NISCH: variants seen among roughly 807,000 people sequenced by gnomAD.
The protein encoded by NISCH is nischarin.
In NISCH, 55 loss-of-function variants were observed where a neutral mutation model predicts 138.4. The ratio of observed to expected loss-of-function variants is 0.40; its 90% confidence interval spans 0.32 to 0.50. The LOEUF (loss-of-function observed/expected upper bound fraction) is 0.50. NISCH is among the 20% of genes least tolerant of loss of function. NISCH has a pLI of 0.71. For synonymous variants in NISCH, 860 were observed against 861.5 expected (o/e 1.00, Z 0.03); for missense variants, 1,643 against 2,005.5 (o/e 0.82, Z 3.45).
Position 52,477,559 on chromosome 3 carries a change from C to A in NISCH, c.919-15C>A. ...GCCCCCTACAGTAACATCGGGTGTTCTTTTCTTTCACAAGAAACTGATCCC... is the reference window on the plus strand; with the variant it reads ...GCCCCCTACAGTAACATCGGGTGTTATTTTCTTTCACAAGAAACTGATCCC... On this transcript the variant is annotated splice_polypyrimidine_tract_variant and intron_variant, in intron 8 of 20. Coordinates refer to ENST00000345716, the MANE Select transcript of NISCH (RefSeq NM_007184.4). The A allele has an allele frequency of 6.2e-7, 1 of 1,611,638 alleles. No individual in the cohort carries two copies. The highest frequency in any genetic ancestry group is 8.5e-7 in the Non-Finnish European group (1 of 1,177,692).
rs761715632 is a variant in NISCH at position 52,491,389 on chromosome 3, G to T, written c.3780G>T (p.Arg1260=). ...TPMQVVTCLT[R]DSYLTHCFLQ... ...TGCAGGTGGTCACGTGCTTGACGCG[G>T]GACAGCTACCTGACGCACTGCTTCC... The change falls in exon 20 of 21, where the codon CGG becomes CGT. Residue 1260 remains arginine (R), a synonymous_variant. Transcript: ENST00000345716. The T allele has an allele frequency of 6.2e-7, 1 of 1,613,020 alleles. No individual in the cohort carries two copies. The highest frequency in any genetic ancestry group is 1.3e-5 in the African/African-American group (1 of 74,940).
In NISCH at chr3:52,484,540, T is replaced by G; in HGVS notation, c.1556T>G (p.Leu519Arg). The change falls in exon 14 of 21, where the codon CTG becomes CGG. Residue 519 changes from leucine (L) to arginine (R), a missense_variant. Physicochemically the swap from Leu to Arg is moderately radical, Grantham distance 102 (BLOSUM62 -2). Transcript: ENST00000345716. ...QGIMFVQEEA[L>R]ASSLSSTDSL... Reference sequence around the variant, plus strand: ...ATCATGTTCGTTCAGGAGGAGGCCCTGGCCAGCAGCCTCTCGTCCACTGAC... The same window carrying G: ...ATCATGTTCGTTCAGGAGGAGGCCCGGGCCAGCAGCCTCTCGTCCACTGAC... The G allele has an allele frequency of 2.0e-6, 3 of 1,503,546 alleles. No homozygotes were observed. The highest frequency in any genetic ancestry group is 2.7e-6 in the Non-Finnish European group (3 of 1,114,664). The allele number at this position is 1,503,546 out of a possible 1,614,324, so 93.1% of individuals were successfully genotyped here.
intron 3 of NISCH, among the ~76,000 whole-genome samples, chr3:52,462,845 T>C (rs1021692984): frequency 2.0e-5 from 3 of 152,050 alleles, no homozygotes; most frequent in Non-Finnish European, 4.4e-5. Context: ...ACTATGTTGG[T>C]GAGGCTGGTC....
chr3:52,479,911 A>G (rs1707218665), intron 12 of NISCH, 49 bp downstream of exon 12: 1 of 1,469,858 alleles, frequency 6.8e-7, no homozygotes, highest in African/African-American at 1.4e-5. Flanking sequence ...GCCAGCCGGG[A>G]TAGGAGCCAG....
Position 52,492,831 on chromosome 3 carries a change from GC to G in NISCH, c.*350del. 1.2e-3 allele frequency: 1 copy of G among 868 alleles called. No homozygotes were observed. The highest frequency in any genetic ancestry group is 0.02 in the South Asian group (1 of 50). The allele number at this position is 868 out of a possible 1,614,324, so 0.1% of individuals were successfully genotyped here. A position where few individuals can be genotyped will look rare whatever the true frequency, so the allele number is the denominator to read the frequency against. On this transcript the variant is annotated 3_prime_UTR_variant, in exon 21 of 21. Transcript: ENST00000345716. ...GAAGTGTCGAGTCCAGTCCTTTGTTGCTGTTGCTGTTGCTGTTGCTGTTGCT... is the reference window on the plus strand; with the variant it reads ...GAAGTGTCGAGTCCAGTCCTTTGTTGTGTTGCTGTTGCTGTTGCTGTTGCT...
rs752668186 is a variant in NISCH at position 52,492,385 on chromosome 3, T to C, written c.4418T>C (p.Val1473Ala). Residue 1473 changes from valine (V) to alanine (A), a missense_variant, in exon 21 of 21, where the codon GTC (valine) becomes GCC (alanine). Transcript: ENST00000345716. Reference sequence around the variant, plus strand: ...CGTGAAGTCCAGTGGCAGGTGTTTGTCCCCAGTGCTGAGAGCAGAGAGAAG... The same window carrying C: ...CGTGAAGTCCAGTGGCAGGTGTTTGCCCCCAGTGCTGAGAGCAGAGAGAAG... ...QGREVQWQVF[V>A]PSAESREKLI... 6.2e-7 allele frequency: 1 copy of C among 1,613,040 alleles called. No individual in the cohort carries two copies. Among genetic ancestry groups the C allele is most frequent in the Non-Finnish European group, 8.5e-7 (1 of 1,180,008 alleles).
intron 13 of NISCH, 171 bp downstream of exon 13, chr3:52,480,466 G>T: frequency 6.5e-7 from 1 of 1,533,712 alleles, no homozygotes. Context: ...TGGCAGGGGT[G>T]CCTGGCCTGA....
At chr3:52,484,101 C>G (rs571888670) in intron 13 of NISCH, 1 of 170,020 alleles carries the variant, frequency 5.9e-6, no homozygotes, top group African/African-American at 2.4e-5. Flanking sequence ...TTCCAACCTT[C>G]CCTCATTTTT....
intron 7 of NISCH, 93 bp downstream of exon 7, chr3:52,473,922 T>C (rs780269777): frequency 4.7e-5 from 36 of 770,772 alleles, no homozygotes; most frequent in Non-Finnish European, 7.2e-5. Flanking sequence ...AGGACACTGC[T>C]ATGTCTATCA....
intron 8 of NISCH, 126 bp downstream of exon 8, chr3:52,476,725 G>A: frequency 3.2e-6 from 3 of 932,576 alleles, no homozygotes; most frequent in Non-Finnish European, 4.8e-6. Context: ...TGCATTGCCT[G>A]CCATTTTAAG....
chr3:52,478,906 C>G (rs1388834578), intron 11 of NISCH, among the ~76,000 whole-genome samples: 3 of 152,154 alleles, frequency 2.0e-5, no homozygotes, highest in African/African-American at 2.4e-5. Flanking sequence ...CCAGTGTAGC[C>G]CAGCCTGGTG....
chr3:52,477,098 CAT>C (rs770857403), intron 8 of NISCH, among the ~76,000 whole-genome samples: 2 of 152,116 alleles, frequency 1.3e-5, no homozygotes, highest in Non-Finnish European at 2.9e-5. Context: ...CCAAATAAAA[CAT>C]AATAATTTCA....
intron 7 of NISCH, among the ~76,000 whole-genome samples, chr3:52,474,576 G>A (rs1216047802): frequency 2.0e-5 from 3 of 152,066 alleles, no homozygotes; most frequent in Admixed American, 6.5e-5. Flanking sequence ...GATTACAGGC[G>A]TGAGCCACCG....
In NISCH at chr3:52,488,117, C is replaced by T. The variant is rs1578311521; in HGVS notation, c.2625C>T (p.Tyr875=). Residue 875 remains tyrosine (Y), a synonymous_variant, in exon 16 of 21, where the codon TAC becomes TAT. Coordinates refer to ENST00000345716, the MANE Select transcript of NISCH (RefSeq NM_007184.4). ...TGGTGCAGACGGCCGCCGGGGACTA[C>T]TCAGGCAACATCGAGTGGGCCAGCT... ...KRMVQTAAGD[Y]SGNIEWASCT... is the part of the protein sequence containing the mutation. 12 of 1,613,136 alleles carry T rather than the reference C, an allele frequency of 7.4e-6. No individual in the cohort carries two copies. Among genetic ancestry groups the T allele is most frequent in the Non-Finnish European group, 1.0e-5 (12 of 1,179,992 alleles).
chr3:52,490,116 G>A lies in NISCH; in HGVS notation c.3498G>A (p.Val1166=). 1 of 1,613,666 alleles carries A rather than the reference G, an allele frequency of 6.2e-7. No homozygotes were observed. The highest frequency in any genetic ancestry group is 8.5e-7 in the Non-Finnish European group (1 of 1,180,022). The part of the protein sequence containing the change: ...EELRHLMWSS[V]VFYQTPGLEV... ...TGAGGCACCTCATGTGGTCCTCGGTGGTGTTCTACCAGACCCCAGGGCTGG... is the reference window on the plus strand; with the variant it reads ...TGAGGCACCTCATGTGGTCCTCGGTAGTGTTCTACCAGACCCCAGGGCTGG... Residue 1166 remains valine (V), a synonymous_variant, in exon 18 of 21, where the codon GTG becomes GTA. Transcript: ENST00000345716.
rs921292315 is a variant in NISCH, at chr3:52,472,267, C to T, written c.574-36C>T. On this transcript the variant is annotated intron_variant, in intron 5 of 20. Coordinates refer to ENST00000345716, the MANE Select transcript of NISCH (RefSeq NM_007184.4). The stretch of plus-strand genomic sequence containing the variant: ...GCAGCACTCCCCGATGGGCATGCGA[C>T]ACTGTTCCCAATTTAAGCCTTATCT... The T allele has an allele frequency of 3.8e-6, 6 of 1,585,248 alleles. No homozygotes were observed. In the African/African-American group the frequency reaches 6.7e-5, roughly 18 times the overall value.
At position 52,487,208 on chromosome 3, in the gene NISCH, C is replaced by T. The variant is rs139766391; in HGVS notation, c.1716C>T (p.Ala572=). ...TCTCCCTGCACAGCCCAGAACATGC[C>T]GAGCCGGAGGTCCAGGTGGTGCCGG... is the stretch of plus-strand genomic sequence containing the variant. ...GAVGGASPEH[A]EPEVQVVPGS... The change falls in exon 16 of 21, where the codon GCC becomes GCT. Residue 572 remains alanine, a synonymous_variant. Coordinates refer to ENST00000345716, the MANE Select transcript of NISCH (RefSeq NM_007184.4). The surrounding 1 kb of genome is among the most constrained non-coding windows in gnomAD (Gnocchi z 9.1). 83 of 1,613,540 alleles carry T rather than the reference C, an allele frequency of 5.1e-5. 1 individual carries two copies. Among genetic ancestry groups the T allele is most frequent in the South Asian group, 4.4e-4 (40 of 91,016 alleles).
intron 2 of NISCH, 77 bp downstream of exon 2, chr3:52,458,003 A>G: frequency 1.8e-6 from 2 of 1,102,642 alleles, no homozygotes; most frequent in East Asian, 4.8e-5. Context: ...GCCACATATT[A>G]GTTTTAGGGC....
chr3:52,491,248 G>A lies in NISCH; in HGVS notation c.3743-104G>A, dbSNP rs1467072582. On this transcript the variant is annotated intron_variant, in intron 19 of 20. Transcript: ENST00000345716. ...TTCCTGTGTGGGCCCTCCTGGCCCTGGCCTCTGGGCTGAGGCTTGCTAGGG... is the reference window on the plus strand; with the variant it reads ...TTCCTGTGTGGGCCCTCCTGGCCCTAGCCTCTGGGCTGAGGCTTGCTAGGG... 6.1e-6 allele frequency: 9 copies of A among 1,475,696 alleles called. No homozygotes were observed. In the Admixed American group the frequency reaches 9.7e-5, roughly 16 times the overall value. 91.4% of individuals were successfully genotyped at this position (1,475,696 alleles called of 1,614,324 possible). A position where few individuals can be genotyped will look rare whatever the true frequency, so the allele number is the denominator to read the frequency against.
Sources: gnomAD v4.1 joint callset for allele counts (sites outside exome capture counted in the v4.1 genomes callset) on GRCh38, gnomAD v4.1.1 for gene constraint, Gnocchi (gnomAD v3.1) non-coding constraint, MANE v1.5 for transcripts, NCBI Gene and HGNC (gene_info 2026-07-23, HGNC 2026-07-21) for gene names.